The following GALNT2 variants were observed in gnomAD, a reference collection of about 807,000 sequenced individuals.
The protein encoded by GALNT2 is UDP-GalNAc:polypeptide N-acetylgalactosaminyltransferase 2.
A neutral mutation model predicts 81.4 loss-of-function variants in GALNT2; 31 were observed. The ratio of observed to expected loss-of-function variants is 0.38; its 90% CI spans 0.29 to 0.51. The LOEUF is 0.51. Ranked by LOEUF, GALNT2 falls within the 20% of genes least tolerant of loss-of-function variation. GALNT2 has a pLI of 0.87. For missense variants in GALNT2, 629 were observed against 765.7 expected (o/e 0.82, Z 2.11); for synonymous variants, 303 against 287.4 (o/e 1.05, Z -0.55).
chr1:230,279,207 G>T lies in GALNT2; in HGVS notation c.1561-96G>T, dbSNP rs1572169626. On this transcript the variant is annotated intron_variant, in intron 15 of 15. Coordinates refer to ENST00000366672, the MANE Select transcript of GALNT2 (RefSeq NM_004481.5). The surrounding 1 kb of genome is among the most constrained non-coding windows in gnomAD (Gnocchi z 4.6). ...CTGGGAAAAACGTGTCTATCTGTGAGTTTTTAATGCAGCCACAAGGTCCTG... is the reference window on the plus strand; with the variant it reads ...CTGGGAAAAACGTGTCTATCTGTGATTTTTTAATGCAGCCACAAGGTCCTG... The T allele has an allele frequency of 7.3e-7, 1 of 1,360,600 alleles. No homozygotes were observed. The highest frequency in any genetic ancestry group is 1.4e-5 in the South Asian group (1 of 69,112). The allele number at this position is 1,360,600 out of a possible 1,614,324, so 84.3% of individuals were successfully genotyped here.
intron 14 of GALNT2, among the ~76,000 whole-genome samples, chr1:230,269,731 C>CA (rs34868862): frequency 0.097 from 10,927 of 113,044 alleles, 913 homozygotes; most frequent in East Asian, 0.41. Flanking sequence ...TCCGTCTTTA[C>CA]AAAAAAAAAA....
rs147231029 is a variant in GALNT2, at chr1:230,113,948, C to G, written c.126+46542C>G. On this transcript the variant is annotated intron_variant, in intron 1 of 15. Transcript: ENST00000366672. ...AATAACGTCAGCATGTGCTGAGCAT[C>G]TGACTCACGGGGTGAGGCAGTGAAT... is the stretch of plus-strand genomic sequence containing the variant. 1.5e-3 allele frequency among the ~76,000 whole-genome samples: 223 copies of G among 152,006 alleles called. 2 individuals carry two copies. The East Asian group carries it at 0.019, about 13-fold the overall frequency.
chr1:230,254,611 AG>A (rs1204640451), intron 10 of GALNT2, among the ~76,000 whole-genome samples: 1 of 152,182 alleles, frequency 6.6e-6, no homozygotes, highest in African/African-American at 2.4e-5. Flanking sequence ...TTTCCATTTG[AG>A]GGAAGGGATT....
chr1:230,082,077 A>G (rs558912976), intron 1 of GALNT2, among the ~76,000 whole-genome samples: 33 of 152,238 alleles, frequency 2.2e-4, no homozygotes, highest in African/African-American at 7.9e-4. Flanking sequence ...GTCAGTGGTG[A>G]CATCAGGTGT....
intron 3 of GALNT2, among the ~76,000 whole-genome samples, chr1:230,228,420 C>T (rs552271271): frequency 3.0e-4 from 45 of 151,794 alleles, no homozygotes; most frequent in South Asian, 1.5e-3. Flanking sequence ...GGTACAGGTG[C>T]GGGGTTACAC....
intron 3 of GALNT2, among the ~76,000 whole-genome samples, chr1:230,227,854 T>A (rs1336298962): frequency 6.6e-6 from 1 of 152,158 alleles, no homozygotes; most frequent in African/African-American, 2.4e-5. Flanking sequence ...CTTTTAAAAA[T>A]TGTATATTGT....
At chr1:230,072,004 T>A (rs1355642519) in intron 1 of GALNT2, among the ~76,000 whole-genome samples, 1 of 152,144 alleles carries the variant, frequency 6.6e-6, no homozygotes, top group Non-Finnish European at 1.5e-5. Context: ...CCAGGCTCTG[T>A]TGGACCTTGG....
rs58067663 is a variant in GALNT2 at position 230,185,301 on chromosome 1, T to TGCGCGCGC, written c.220+6997_220+6998insCGCGCGCG. On this transcript the variant is annotated intron_variant, in intron 2 of 15. Coordinates refer to ENST00000366672, the MANE Select transcript of GALNT2 (RefSeq NM_004481.5). ...GTGTGTGTGTGTGTGTGTGTGTGTG[T>TGCGCGCGC]GCGCGCGTGTGTGTGTGTGTTTAAC... is the stretch of plus-strand genomic sequence containing the variant. 8.4e-3 allele frequency among the ~76,000 whole-genome samples: 1,063 copies of TGCGCGCGC among 126,082 alleles called. 22 individuals are homozygous for TGCGCGCGC. The East Asian group carries it at 0.092, about 11-fold the overall frequency. The allele number at this position is 126,082 out of a possible 152,430, so 82.7% of individuals were successfully genotyped here.
intron 10 of GALNT2, among the ~76,000 whole-genome samples, chr1:230,252,843 C>CTTTTTTTTTTT (rs58544942): frequency 0.047 from 3,685 of 78,894 alleles, 297 homozygotes; most frequent in Non-Finnish European, 0.052. Flanking sequence ...GAGACAACTT[C>CTTTTTTTTTTT]TTTTTTTTTT....
chr1:230,274,845 T>C (rs1666243136), intron 15 of GALNT2, among the ~76,000 whole-genome samples: 1 of 152,152 alleles, frequency 6.6e-6, no homozygotes, highest in Non-Finnish European at 1.5e-5. Flanking sequence ...CTTTTTTCTA[T>C]TTCAATTTAC....
chr1:230,117,659 G>A (rs7549029), intron 1 of GALNT2, among the ~76,000 whole-genome samples: 63,915 of 151,986 alleles, frequency 0.42, 13,442 homozygotes, highest in South Asian at 0.53. Context: ...TTGCCATTTT[G>A]TATGGTTCAT....
At chr1:230,253,916 G>T (rs909433768) in intron 10 of GALNT2, among the ~76,000 whole-genome samples, 14 of 151,882 alleles carry the variant, frequency 9.2e-5, no homozygotes, top group Admixed American at 1.3e-4. Context: ...TGAAAACATG[G>T]TATTCAACTT....
chr1:230,080,114 C>T (rs1237480929), intron 1 of GALNT2, among the ~76,000 whole-genome samples: 1 of 152,174 alleles, frequency 6.6e-6, no homozygotes, highest in African/African-American at 2.4e-5. Context: ...ATTTTTCTCC[C>T]TAACTGGCAG....
chr1:230,115,251 G>C (rs1375543785), intron 1 of GALNT2, among the ~76,000 whole-genome samples: 1 of 152,092 alleles, frequency 6.6e-6, no homozygotes, highest in Non-Finnish European at 1.5e-5. Flanking sequence ...TGATCCACCT[G>C]CCTCGGCCTC....
rs576283584 is a variant in GALNT2 at position 230,243,539 on chromosome 1, G to T, written c.729+112G>T. On this transcript the variant is annotated intron_variant, in intron 7 of 15. Transcript: ENST00000366672. This position sits in a 1 kb window ranked among gnomAD's most constrained non-coding sequence, Gnocchi z 4.2. The stretch of plus-strand genomic sequence containing the variant: ...CGCAGGGAGTAGGGCGTCAGGGCTG[G>T]TAGGGGCTGAGCTCGCCGTCTGCAG... 3 of 1,361,880 alleles carry T rather than the reference G, an allele frequency of 2.2e-6. No homozygotes were observed. In the East Asian group the frequency reaches 8.0e-5, roughly 36 times the overall value. 84.4% of individuals were successfully genotyped at this position (1,361,880 alleles called of 1,614,324 possible). A position where few individuals can be genotyped will look rare whatever the true frequency, so the allele number is the denominator to read the frequency against.
chr1:230,266,329 A>G (rs1558170069), intron 14 of GALNT2, among the ~76,000 whole-genome samples: 1 of 152,184 alleles, frequency 6.6e-6, no homozygotes, highest in South Asian at 2.1e-4. Context: ...CCATGAGATA[A>G]TAATAGGAAT....
At chr1:230,245,982 C>T (rs1438388051) in intron 7 of GALNT2, 81 bp from the exon 8 acceptor site, 5 of 1,196,812 alleles carry the variant, frequency 4.2e-6, no homozygotes, top group South Asian at 1.2e-5. Flanking sequence ...CTGTGCCTGC[C>T]TAATACTAAT....
At chr1:230,179,608 A>C (rs1471990263) in intron 2 of GALNT2, among the ~76,000 whole-genome samples, 1 of 151,958 alleles carries the variant, frequency 6.6e-6, no homozygotes, top group Non-Finnish European at 1.5e-5. Flanking sequence ...TTCTTTTCTG[A>C]GGTGTTCACT....
At chr1:230,141,223 C>CAGCTTAATATTACAG (rs1661720389) in intron 1 of GALNT2, among the ~76,000 whole-genome samples, 1 of 152,180 alleles carries the variant, frequency 6.6e-6, no homozygotes, top group Non-Finnish European at 1.5e-5. Flanking sequence ...AAGGAGAGAT[C>CAGCTTAATATTACAG]CTGCCCATCT....
Sources: allele counts gnomAD v4.1 joint callset (sites outside exome capture counted in the v4.1 genomes callset), GRCh38; gene constraint gnomAD v4.1.1; non-coding constraint Gnocchi (gnomAD v3.1); transcripts MANE v1.5; gene names NCBI Gene and HGNC (gene_info 2026-07-23, HGNC 2026-07-21).